Variants in PTPRD observed in about 807,000 individuals in gnomAD.
The protein encoded by PTPRD is receptor-type tyrosine-protein phosphatase delta.
A neutral mutation model predicts 214.5 loss-of-function variants in PTPRD; 34 were observed. The ratio of observed to expected loss-of-function variants is 0.16; its 90% CI spans 0.12 to 0.21. PTPRD has a LOEUF of 0.21. Among genes scored for constraint, PTPRD ranks in the 10% least tolerant of loss-of-function variants. PTPRD has a pLI of 1.00. For synonymous variants in PTPRD, 1,128 were observed against 845.7 expected (o/e 1.33, Z -5.79); for missense variants, 2,545 against 2,398.7 (o/e 1.06, Z -1.27).
rs563496971 is a variant in PTPRD at position 8,880,545 on chromosome 9, T to A, written c.-104+138152A>T. 9.4e-4 allele frequency among the ~76,000 whole-genome samples: 143 copies of A among 152,274 alleles called. 6 individuals carry two copies. In the South Asian group the frequency reaches 0.029, roughly 31 times the overall value. ...TATTACTGTTTAATCTGAGGGTGCC[T>A]ATTGGGAGTAATGAAATAACATTAC... is the stretch of plus-strand genomic sequence containing the variant. On this transcript the variant is annotated intron_variant, in intron 11 of 45. Coordinates refer to ENST00000381196, the MANE Select transcript of PTPRD (RefSeq NM_002839.4).
At chr9:10,204,205 G>A (rs547362679) in intron 3 of PTPRD, among the ~76,000 whole-genome samples, 1 of 152,076 alleles carries the variant, frequency 6.6e-6, no homozygotes, top group East Asian at 1.9e-4. Context: ...ATTTTTCAGT[G>A]TGTACAGCAA....
intron 11 of PTPRD, among the ~76,000 whole-genome samples, chr9:8,927,894 G>A (rs950619711): frequency 6.6e-6 from 1 of 152,080 alleles, no homozygotes; most frequent in African/African-American, 2.4e-5. Context: ...TTTAATGATT[G>A]CCATTCTAAC....
intron 9 of PTPRD, among the ~76,000 whole-genome samples, chr9:9,377,728 A>T (rs973083967): frequency 1.3e-5 from 2 of 152,138 alleles, no homozygotes; most frequent in African/African-American, 4.8e-5. Flanking sequence ...ATGTTGGCAC[A>T]GATGAAACAA....
intron 3 of PTPRD, among the ~76,000 whole-genome samples, chr9:10,108,456 A>G (rs1563859816): frequency 6.6e-6 from 1 of 151,636 alleles, no homozygotes; most frequent in Non-Finnish European, 1.5e-5. Flanking sequence ...TTTTTTTACC[A>G]TCTCTCTAAT....
chr9:8,667,569 T>C (rs1596451883), intron 12 of PTPRD, among the ~76,000 whole-genome samples: 1 of 152,228 alleles, frequency 6.6e-6, no homozygotes, highest in Admixed American at 6.5e-5. Context: ...CACAAACTTA[T>C]TTAAAAGATT....
intron 8 of PTPRD, among the ~76,000 whole-genome samples, chr9:9,521,104 T>A (rs2096960396): frequency 6.6e-6 from 1 of 152,156 alleles, no homozygotes; most frequent in African/African-American, 2.4e-5. Context: ...AACCTCTCCA[T>A]AACTATTTAA....
In PTPRD at chr9:9,208,115, T is replaced by C. The variant is rs554362664; in HGVS notation, c.-202-24752A>G. Among the ~76,000 whole-genome samples the C allele has an allele frequency of 1.0e-3, 149 of 143,636 alleles. 1 individual carries two copies. In the East Asian group the frequency reaches 0.018, roughly 17 times the overall value. The allele number at this position is 143,636 out of a possible 152,430, so 94.2% of individuals were successfully genotyped here. A position where few individuals can be genotyped will look rare whatever the true frequency, so the allele number is the denominator to read the frequency against. On this transcript the variant is annotated intron_variant, in intron 9 of 45. Transcript: ENST00000381196. The stretch of plus-strand genomic sequence containing the variant: ...CTGCAAGCTCCGCCTCCCGTGTTCA[T>C]GCCATTCTCCTGTCTCAGCCTCCGG...
intron 3 of PTPRD, among the ~76,000 whole-genome samples, chr9:10,217,243 G>T (rs1347088378): frequency 1.3e-5 from 2 of 151,652 alleles, no homozygotes; most frequent in African/African-American, 2.4e-5. Flanking sequence ...GGCACATCTA[G>T]TATCAGCATT....
chr9:9,909,875 C>T (rs1272194957), intron 5 of PTPRD, among the ~76,000 whole-genome samples: 1 of 151,646 alleles, frequency 6.6e-6, no homozygotes, highest in African/African-American at 2.4e-5. Flanking sequence ...ATGCAGCTAG[C>T]TGTATATTTT....
At chr9:10,321,460 G>C (rs553749603) in intron 3 of PTPRD, among the ~76,000 whole-genome samples, 3 of 152,126 alleles carry the variant, frequency 2.0e-5, no homozygotes, top group African/African-American at 7.2e-5. Flanking sequence ...AAGAAACAGA[G>C]AAGCTTAATA....
intron 11 of PTPRD, among the ~76,000 whole-genome samples, chr9:8,758,138 C>T (rs1008427821): frequency 2.6e-5 from 4 of 152,118 alleles, no homozygotes; most frequent in Non-Finnish European, 5.9e-5. Context: ...ATCAGAGATG[C>T]AGGAAGGATT....
intron 2 of PTPRD, among the ~76,000 whole-genome samples, chr9:10,526,130 G>C (rs914057316): frequency 6.6e-6 from 1 of 151,986 alleles, no homozygotes; most frequent in African/African-American, 2.4e-5. Context: ...ACTGTTCTAA[G>C]ATATAAAGTC....
intron 12 of PTPRD, among the ~76,000 whole-genome samples, chr9:8,717,557 G>A (rs552668103): frequency 2.0e-5 from 3 of 152,152 alleles, no homozygotes; most frequent in African/African-American, 7.2e-5. Context: ...GAAAATTCAA[G>A]TCAGGCCACA....
chr9:8,546,889 G>C (rs148685836), intron 14 of PTPRD, among the ~76,000 whole-genome samples: 7 of 152,340 alleles, frequency 4.6e-5, no homozygotes, highest in Non-Finnish European at 1.0e-4. Context: ...CTCACGTCTA[G>C]AGATGTTAGT....
chr9:10,003,682 A>T (rs1284011058), intron 4 of PTPRD, among the ~76,000 whole-genome samples: 1 of 151,746 alleles, frequency 6.6e-6, no homozygotes, highest in Non-Finnish European at 1.5e-5. Flanking sequence ...GGCTGATAAA[A>T]CATATGACAA....
chr9:8,694,566 G>C (rs899196301), intron 12 of PTPRD, among the ~76,000 whole-genome samples: 2 of 152,036 alleles, frequency 1.3e-5, no homozygotes. Flanking sequence ...AGATAAAAAT[G>C]ACAAACAACA....
intron 5 of PTPRD, among the ~76,000 whole-genome samples, chr9:9,895,216 C>CAT (rs1347355190): frequency 6.6e-6 from 1 of 151,900 alleles, no homozygotes; most frequent in Non-Finnish European, 1.5e-5. Flanking sequence ...AAGAAATATA[C>CAT]ATACCAATAA....
chr9:10,004,697 CAAAT>C (rs1422473819), intron 4 of PTPRD, among the ~76,000 whole-genome samples: 1 of 151,784 alleles, frequency 6.6e-6, no homozygotes, highest in Non-Finnish European at 1.5e-5. Flanking sequence ...TTTAAAATAC[CAAAT>C]AGTGTCATAA....
chr9:9,608,303 A>G (rs559868986), intron 7 of PTPRD, among the ~76,000 whole-genome samples: 164 of 152,316 alleles, frequency 1.1e-3, no homozygotes, highest in African/African-American at 3.9e-3. Flanking sequence ...CTAAAGTAAT[A>G]TATACAATTT....
Sources: allele counts gnomAD v4.1 joint callset (sites outside exome capture counted in the v4.1 genomes callset), GRCh38; gene constraint gnomAD v4.1.1; transcripts MANE v1.5; gene names NCBI Gene and HGNC (gene_info 2026-07-23, HGNC 2026-07-21).